The following NHS variants were observed in gnomAD, a reference collection of about 807,000 sequenced individuals.
NHS encodes actin remodeling regulator NHS.
Under a neutral mutation model 72.5 loss-of-function variants are expected in NHS, and 5 were observed. The observed-to-expected ratio is 0.07, with a 90% CI of 0.04 to 0.14. The LOEUF is 0.14. Among genes scored for constraint, NHS ranks in the 10% least tolerant of loss-of-function variants. The pLI, the probability that NHS is intolerant of heterozygous loss-of-function variation, is 1.00. For missense variants in NHS, 1,072 were observed against 1,355.7 expected (o/e 0.79, Z 3.29); for synonymous variants, 464 against 547.7 (o/e 0.85, Z 2.13).
intron 1 of NHS, among the ~76,000 whole-genome samples, chrX:17,633,996 C>T (rs2065832167): frequency 8.9e-6 from 1 of 111,878 alleles, no homozygotes; most frequent in Non-Finnish European, 1.9e-5. Flanking sequence ...TGCTTTCTCT[C>T]TCTTCTGTCT....
At chrX:17,537,543 C>T (rs766053374) in intron 1 of NHS, among the ~76,000 whole-genome samples, 12 of 112,484 alleles carry the variant, frequency 1.1e-4, no homozygotes, top group African/African-American at 3.9e-4. Context: ...AGGTGAATTT[C>T]TGTAAAAGGA....
chrX:17,603,879 A>G (rs1027332993), intron 1 of NHS, among the ~76,000 whole-genome samples: 7 of 110,811 alleles, frequency 6.3e-5, no homozygotes, highest in African/African-American at 1.3e-4. Flanking sequence ...CTTGATTTCA[A>G]TTACCTCTCA....
At chrX:17,563,328 G>T (rs1384913907) in intron 1 of NHS, among the ~76,000 whole-genome samples, 1 of 112,501 alleles carries the variant, frequency 8.9e-6, no homozygotes, top group African/African-American at 3.2e-5. Flanking sequence ...TGTTTAATGG[G>T]CTGAGCAGAT....
chrX:17,695,758 C>G (rs1321725087), intron 3 of NHS, among the ~76,000 whole-genome samples: 2 of 111,154 alleles, frequency 1.8e-5, no homozygotes, highest in Non-Finnish European at 3.8e-5. Context: ...TTAATTTGTA[C>G]CAAAAGTTCT....
intron 1 of NHS, among the ~76,000 whole-genome samples, chrX:17,569,148 T>A (rs745532926): frequency 8.9e-6 from 1 of 112,065 alleles, no homozygotes; most frequent in African/African-American, 3.3e-5. Context: ...GTCTTTATAG[T>A]AGAATGATTT....
intron 3 of NHS, among the ~76,000 whole-genome samples, chrX:17,704,678 G>T (rs981732307): frequency 8.9e-6 from 1 of 111,806 alleles, no homozygotes; most frequent in African/African-American, 3.3e-5. Flanking sequence ...CTAAGAGATG[G>T]TCACATTCTT....
At chrX:17,446,893 T>C (rs188202800) in intron 1 of NHS, among the ~76,000 whole-genome samples, 212 of 112,406 alleles carry the variant, frequency 1.9e-3, no homozygotes, top group Non-Finnish European at 3.4e-3. Flanking sequence ...CCTTTAATTA[T>C]TGCAGAGTTT....
chrX:17,617,607 C>T (rs1002687523), intron 1 of NHS, among the ~76,000 whole-genome samples: 2 of 112,056 alleles, frequency 1.8e-5, no homozygotes, highest in African/African-American at 6.5e-5. Flanking sequence ...AGTATCCAGT[C>T]GGTGTCTCAT....
intron 1 of NHS, among the ~76,000 whole-genome samples, chrX:17,423,148 C>G (rs2064632609): frequency 8.9e-6 from 1 of 111,911 alleles, no homozygotes; most frequent in Admixed American, 9.5e-5. Context: ...GCATTTGCAG[C>G]TGATGTTTGA....
At position 17,726,961 on chromosome X, in the gene NHS, A is replaced by G; in HGVS notation, c.2855A>G (p.Asn952Ser). Residue 952 changes from asparagine to serine, a missense_variant, in exon 7 of 9, where the codon AAT becomes AGT. Transcript: ENST00000676302. ...STHYADLWLL[N>S]DLKTNDPYRS... ...CACTATGCAGACCTCTGGCTCCTAAATGACTTGAAAACAAATGATCCTTAT... is the reference window on the plus strand; with the variant it reads ...CACTATGCAGACCTCTGGCTCCTAAGTGACTTGAAAACAAATGATCCTTAT... The G allele has an allele frequency of 8.3e-7, 1 of 1,212,007 alleles. No homozygotes were observed. The highest frequency in any genetic ancestry group is 1.1e-6 in the Non-Finnish European group (1 of 895,608).
At chrX:17,422,175 A>G (rs2064627307) in intron 1 of NHS, among the ~76,000 whole-genome samples, 2 of 112,452 alleles carry the variant, frequency 1.8e-5, no homozygotes, top group Non-Finnish European at 3.8e-5. Context: ...GAATCGTACA[A>G]TAATAATATG....
At chrX:17,392,597 G>C (rs2064450713) in intron 1 of NHS, among the ~76,000 whole-genome samples, 1 of 112,152 alleles carries the variant, frequency 8.9e-6, no homozygotes, top group South Asian at 3.7e-4. Flanking sequence ...ATAAAAACTT[G>C]TTAGCAGAGT....
At chrX:17,559,886 CTT>C (rs2065403642) in intron 1 of NHS, among the ~76,000 whole-genome samples, 1 of 111,782 alleles carries the variant, frequency 8.9e-6, no homozygotes, top group Non-Finnish European at 1.9e-5. Context: ...CTAACTCTCT[CTT>C]TATTGACTTC....
chrX:17,386,680 A>G (rs1014495548), intron 1 of NHS, among the ~76,000 whole-genome samples: 16 of 107,982 alleles, frequency 1.5e-4, no homozygotes, highest in Admixed American at 3.0e-4. Context: ...AAAAAAAAAA[A>G]AAAAGAAAAA....
intron 1 of NHS, among the ~76,000 whole-genome samples, chrX:17,523,238 G>A (rs779131483): frequency 3.6e-5 from 4 of 111,843 alleles, no homozygotes; most frequent in South Asian, 3.8e-4. Context: ...ATCAGGCTGA[G>A]TCTTAGAGCC....
chrX:17,395,715 T>C (rs1189144607), intron 1 of NHS, among the ~76,000 whole-genome samples: 1 of 112,255 alleles, frequency 8.9e-6, no homozygotes, highest in Admixed American at 9.4e-5. Flanking sequence ...TTTTAGACAC[T>C]ACTGATGGAA....
intron 1 of NHS, among the ~76,000 whole-genome samples, chrX:17,430,278 T>G (rs1277617580): frequency 6.2e-5 from 5 of 80,451 alleles, no homozygotes; most frequent in Non-Finnish European, 9.3e-5. Flanking sequence ...TTTCTTTCTT[T>G]CTTTCTTTCT....
At chrX:17,381,091 T>C (rs2064375758) in intron 1 of NHS, among the ~76,000 whole-genome samples, 1 of 110,843 alleles carries the variant, frequency 9.0e-6, no homozygotes, top group African/African-American at 3.3e-5. Context: ...TAAGGAAGTA[T>C]ATTGGGATGA....
At chrX:17,569,192 T>G (rs142118156) in intron 1 of NHS, among the ~76,000 whole-genome samples, 6,511 of 111,741 alleles carry the variant, frequency 0.058, 448 homozygotes, top group African/African-American at 0.2. Flanking sequence ...GTAATGGGAT[T>G]GCTGGGTCAA....
Sources: gnomAD v4.1 joint callset for allele counts (sites outside exome capture counted in the v4.1 genomes callset) on GRCh38, gnomAD v4.1.1 for gene constraint, MANE v1.5 for transcripts, NCBI Gene and HGNC (gene_info 2026-07-23, HGNC 2026-07-21) for gene names.